The following CBLL1 variants were observed in gnomAD, a reference collection of about 807,000 sequenced individuals.
The protein encoded by CBLL1 is Cbl proto-oncogene like 1.
In CBLL1, 4 loss-of-function variants were observed where a neutral mutation model predicts 44.9. The ratio of observed to expected loss-of-function variants is 0.09; its 90% CI spans 0.04 to 0.20. The LOEUF is 0.20. Among genes scored for constraint, CBLL1 ranks in the 10% least tolerant of loss-of-function variants. The pLI, the probability that CBLL1 is intolerant of heterozygous loss-of-function variation, is 1.00. For missense variants in CBLL1, 569 were observed against 636.7 expected (o/e 0.89, Z 1.14); for synonymous variants, 235 against 202.2 (o/e 1.16, Z -1.38).
intron 2 of CBLL1, among the ~76,000 whole-genome samples, chr7:107,749,656 A>G (rs1793185628): frequency 6.6e-6 from 1 of 150,760 alleles, no homozygotes; most frequent in Non-Finnish European, 1.5e-5. Flanking sequence ...TAAAATCCAC[A>G]GTATCTGTCA....
At position 107,761,402 on chromosome 7, in the gene CBLL1, G is replaced by A. The variant is rs1214445621; in HGVS notation, c.*2224G>A. The A allele has an allele frequency of 2.0e-5, 3 of 152,114 alleles. No homozygotes were observed. Among genetic ancestry groups the A allele is most frequent in the Non-Finnish European group, 2.9e-5 (2 of 67,862 alleles). The allele number at this position is 152,114 out of a possible 1,614,324, so 9.4% of individuals were successfully genotyped here. A position where few individuals can be genotyped will look rare whatever the true frequency, so the allele number is the denominator to read the frequency against. On this transcript the variant is annotated 3_prime_UTR_variant, in exon 6 of 6. Transcript: ENST00000440859. ...GGAGGCATATCAGATGAATGTTGTA[G>A]CAGACAAAAGTTTTAAATCGTGTTA...
At chr7:107,744,879 T>C (rs955189851) in intron 1 of CBLL1, 1 of 152,252 alleles carries the variant, frequency 6.6e-6, no homozygotes, top group African/African-American at 2.4e-5. Flanking sequence ...TTCTGGCTTT[T>C]GCTTCTTTGT....
chr7:107,757,697 C>T (rs567604534), intron 5 of CBLL1, among the ~76,000 whole-genome samples: 85 of 152,280 alleles, frequency 5.6e-4, no homozygotes, highest in Non-Finnish European at 8.2e-4. Context: ...CTTGCAATGT[C>T]TTCTACTTAC....
In CBLL1 at chr7:107,758,250, A is replaced by T. The variant is rs2115716790; in HGVS notation, c.548A>T (p.Gln183Leu). The change falls in exon 6 of 6, where the codon CAG becomes CTG. Residue 183 changes from glutamine to leucine, a missense_variant. Transcript: ENST00000440859. The surrounding 1 kb of genome is among the most constrained non-coding windows in gnomAD (Gnocchi z 4.2). ...ACATATTTGTCTCAGAGAGACTTACAGGCTCATATCAACCATCGCCATATG... is the reference window on the plus strand; with the variant it reads ...ACATATTTGTCTCAGAGAGACTTACTGGCTCATATCAACCATCGCCATATG... Reference protein sequence around the residue: ...KRTYLSQRDLQAHINHRHMRA... With the variant: ...KRTYLSQRDLLAHINHRHMRA... 1 of 1,614,152 alleles carries T rather than the reference A, an allele frequency of 6.2e-7. No homozygotes were observed. Among genetic ancestry groups the T allele is most frequent in the South Asian group, 1.1e-5 (1 of 91,078 alleles).
In CBLL1 at chr7:107,748,992, G is replaced by A. The variant is rs35388368; in HGVS notation, c.126G>A (p.Pro42=). Residue 42 remains proline, a synonymous_variant, in exon 2 of 6, where the codon CCG becomes CCA. Coordinates refer to ENST00000440859, the MANE Select transcript of CBLL1 (RefSeq NM_024814.4). Reference sequence around the variant, plus strand: ...AAGCAAACAAAGCGAAACCTGCACCGCGAACTCAAAGAACTATAAACAGGA... The same window carrying A: ...AAGCAAACAAAGCGAAACCTGCACCACGAACTCAAAGAACTATAAACAGGA... ...SKQANKAKPA[P]RTQRTINRMP... 506 of 1,614,048 alleles carry A rather than the reference G, an allele frequency of 3.1e-4. No homozygotes were observed. The African/African-American group carries it at 5.8e-3, about 19-fold the overall frequency.
intron 5 of CBLL1, among the ~76,000 whole-genome samples, chr7:107,757,633 GT>G (rs1793585114): frequency 6.6e-6 from 1 of 152,144 alleles, no homozygotes; most frequent in African/African-American, 2.4e-5. Flanking sequence ...GATTGAAATT[GT>G]TTGTTTAATG....
intron 1 of CBLL1, 83 bp downstream of exon 1, chr7:107,744,259 T>G: frequency 7.0e-7 from 1 of 1,434,452 alleles, no homozygotes; most frequent in African/African-American, 1.4e-5. Context: ...GCAAAAGGGA[T>G]TATGCTCGCC....
intron 5 of CBLL1, 150 bp from the exon 6 acceptor site, chr7:107,757,993 G>A: frequency 1.4e-6 from 1 of 724,012 alleles, no homozygotes; most frequent in Non-Finnish European, 2.2e-6. Context: ...GAAGATTAAA[G>A]GTTTGCGTAG....
chr7:107,744,375 C>A, intron 1 of CBLL1, 199 bp downstream of exon 1: 1 of 597,134 alleles, frequency 1.7e-6, no homozygotes, highest in Non-Finnish European at 2.7e-6. Context: ...GTACCTACCT[C>A]CTCCGTGCCG....
At chr7:107,755,951 A>G (rs1003371783) in intron 5 of CBLL1, among the ~76,000 whole-genome samples, 7 of 152,156 alleles carry the variant, frequency 4.6e-5, no homozygotes, top group African/African-American at 1.4e-4. Flanking sequence ...TTTTATATAT[A>G]TATAACATAT....
rs1584366564 is a variant in CBLL1, at chr7:107,744,407, G to C, written c.13+231G>C. 22 of 475,240 alleles carry C rather than the reference G, an allele frequency of 4.6e-5. No homozygotes were observed. In the South Asian group the frequency reaches 8.7e-4, roughly 19 times the overall value. 29.4% of individuals were successfully genotyped at this position (475,240 alleles called of 1,614,324 possible). A position where few individuals can be genotyped will look rare whatever the true frequency, so the allele number is the denominator to read the frequency against. ...GCCGGCAACAACCGCTCCTACTCTG[G>C]TTCTGCTGAGCTCCGAGCCCGGACC... On this transcript the variant is annotated intron_variant, in intron 1 of 5. Coordinates refer to ENST00000440859, the MANE Select transcript of CBLL1 (RefSeq NM_024814.4).
At position 107,752,516 on chromosome 7, in the gene CBLL1, C is replaced by T. The variant is rs1356688653; in HGVS notation, c.182-895C>T. ...TTTAGTCATGTGGGTAAAGTTAAAA[C>T]TTGTGTGCTTGGCTACTCTGTTTAC... On this transcript the variant is annotated intron_variant, in intron 2 of 5. Coordinates refer to ENST00000440859, the MANE Select transcript of CBLL1 (RefSeq NM_024814.4). The T allele has an allele frequency of 2.4e-6, 3 of 1,263,266 alleles. No homozygotes were observed. The South Asian group carries it at 3.7e-5, about 16-fold the overall frequency. 78.3% of individuals were successfully genotyped at this position (1,263,266 alleles called of 1,614,324 possible).
At chr7:107,755,092 C>T (rs1793467715) in intron 4 of CBLL1, among the ~76,000 whole-genome samples, 1 of 152,040 alleles carries the variant, frequency 6.6e-6, no homozygotes. Context: ...TGGACTCCAG[C>T]CTGGGCAACA....
chr7:107,756,222 G>T (rs1793521421), intron 5 of CBLL1, among the ~76,000 whole-genome samples: 1 of 152,146 alleles, frequency 6.6e-6, no homozygotes. Context: ...GTAGCCATAG[G>T]CTTCTTAGAT....
At position 107,759,268 on chromosome 7, in the gene CBLL1, A is replaced by T; in HGVS notation, c.*90A>T. The T allele has an allele frequency of 8.7e-7, 1 of 1,155,372 alleles. No homozygotes were observed. Among genetic ancestry groups the T allele is most frequent in the Non-Finnish European group, 1.2e-6 (1 of 818,538 alleles). 71.6% of individuals were successfully genotyped at this position (1,155,372 alleles called of 1,614,324 possible). On this transcript the variant is annotated 3_prime_UTR_variant, in exon 6 of 6. Coordinates refer to ENST00000440859, the MANE Select transcript of CBLL1 (RefSeq NM_024814.4). The stretch of plus-strand genomic sequence containing the variant: ...TTTGACTGTTTTGGGAAGGAAGAGT[A>T]CCTCTTATCGAGGTAGTATAAAACA...
At chr7:107,750,227 C>T (rs1424101192) in intron 2 of CBLL1, among the ~76,000 whole-genome samples, 1 of 151,654 alleles carries the variant, frequency 6.6e-6, no homozygotes, top group African/African-American at 2.4e-5. Context: ...GGATTACAGG[C>T]GTGAGCCACT....
Position 107,755,446 on chromosome 7 carries a change from A to G in CBLL1, c.395A>G (p.Asp132Gly). ...MIPCKHVFCY[D>G]CAILHEKKGD... ...CCATGCAAGCATGTTTTTTGCTATG[A>G]CTGTGCTATTTTACATGAAAAAAAG... The change falls in exon 5 of 6, where the codon GAC becomes GGC. Residue 132 changes from aspartate (D) to glycine (G), a missense_variant. By Grantham distance (94) the Asp-to-Gly change is moderately conservative. Transcript: ENST00000440859. The G allele has an allele frequency of 6.3e-7, 1 of 1,586,386 alleles. No homozygotes were observed. Among genetic ancestry groups the G allele is most frequent in the Non-Finnish European group, 8.6e-7 (1 of 1,165,338 alleles).
intron 2 of CBLL1, among the ~76,000 whole-genome samples, chr7:107,751,957 T>C (rs1158739319): frequency 6.6e-6 from 1 of 152,076 alleles, no homozygotes; most frequent in East Asian, 1.9e-4. Flanking sequence ...CCCAGCACTT[T>C]GGGAGGCTGA....
Sources: allele counts gnomAD v4.1 joint callset (sites outside exome capture counted in the v4.1 genomes callset), GRCh38; gene constraint gnomAD v4.1.1; non-coding constraint Gnocchi (gnomAD v3.1); transcripts MANE v1.5; gene names NCBI Gene and HGNC (gene_info 2026-07-23, HGNC 2026-07-21).